Variants in MACROH2A2 observed in about 807,000 individuals in gnomAD.
The protein encoded by MACROH2A2 is macroH2A.2 histone.
Under a neutral mutation model 37.6 loss-of-function variants are expected in MACROH2A2, and 6 were observed. That is an observed-to-expected ratio of 0.16 (90% CI 0.09 to 0.32). The LOEUF (loss-of-function observed/expected upper bound fraction) is 0.32, where lower values mean the gene tolerates loss of function less well. Ranked by LOEUF, MACROH2A2 falls within the 10% of genes least tolerant of loss-of-function variation. The pLI is 1.00. For synonymous variants in MACROH2A2, 192 were observed against 202.7 expected (o/e 0.95, Z 0.45); for missense variants, 290 against 485.9 (o/e 0.60, Z 3.79).
Position 70,075,791 on chromosome 10 carries a change from G to A in MACROH2A2, c.133G>A (p.Ala45Thr), listed in dbSNP as rs764105926. The change falls in exon 2 of 9, where the codon GCC becomes ACC. Residue 45 changes from alanine (A) to threonine (T), a missense_variant. By Grantham distance (58) the Ala-to-Thr change is moderately conservative. This residue lies in a region of MACROH2A2 where 83 missense variants were observed against 159.9 expected (regional missense o/e 0.52). Transcript: ENST00000373255. This position sits in a 1 kb window ranked among gnomAD's most constrained non-coding sequence, Gnocchi z 5.0. ...GTFKYRISVG[A>T]PVYMAAVIEY... The stretch of plus-strand genomic sequence containing the variant: ...GTTCAAGTACCGGATCAGCGTGGGC[G>A]CCCCTGTCTACATGGCGGCAGTCAT... 22 of 1,613,648 alleles carry A rather than the reference G, an allele frequency of 1.4e-5. No individual in the cohort carries two copies. Among genetic ancestry groups the A allele is most frequent in the South Asian group, 2.2e-5 (2 of 91,042 alleles).
At position 70,080,136 on chromosome 10, in the gene MACROH2A2, G is replaced by A. The variant is rs868741538; in HGVS notation, c.172+4306G>A. On this transcript the variant is annotated intron_variant, in intron 2 of 8. Coordinates refer to ENST00000373255, the MANE Select transcript of MACROH2A2 (RefSeq NM_018649.3). The stretch of plus-strand genomic sequence containing the variant: ...CTCTAATAAAAATACAAAATTAGCC[G>A]GACGTGATGGTGCATGCCTGTTATC... 5.3e-5 allele frequency among the ~76,000 whole-genome samples: 8 copies of A among 152,014 alleles called. No homozygotes were observed. In the Middle Eastern group the frequency reaches 0.014, roughly 259 times the overall value.
chr10:70,108,476 G>A (rs1209224267), intron 7 of MACROH2A2, among the ~76,000 whole-genome samples: 3 of 152,118 alleles, frequency 2.0e-5, no homozygotes, highest in South Asian at 2.1e-4. Flanking sequence ...TGGCTGCATC[G>A]TTCCAATCTC....
chr10:70,108,920 C>A, intron 7 of MACROH2A2, 113 bp from the exon 8 acceptor site: 1 of 917,536 alleles, frequency 1.1e-6, no homozygotes, highest in Non-Finnish European at 1.7e-6. Context: ...GCTGCCCAGC[C>A]AACGTCTCTA....
At chr10:70,095,948 T>G (rs759241288) in intron 6 of MACROH2A2, among the ~76,000 whole-genome samples, 195 bp downstream of exon 6, 1 of 152,248 alleles carries the variant, frequency 6.6e-6, no homozygotes, top group Non-Finnish European at 1.5e-5. Context: ...TTTGAAATTT[T>G]TATTGGGGTA....
intron 2 of MACROH2A2, among the ~76,000 whole-genome samples, chr10:70,083,917 A>G (rs1589835785): frequency 6.8e-6 from 1 of 146,712 alleles, no homozygotes. Flanking sequence ...AAATGGACTG[A>G]AAAAACAAGC....
At chr10:70,076,742 G>A (rs1426473070) in intron 2 of MACROH2A2, among the ~76,000 whole-genome samples, 1 of 152,074 alleles carries the variant, frequency 6.6e-6, no homozygotes, top group Non-Finnish European at 1.5e-5. Context: ...CTCCCCAGAT[G>A]GTCTAACACT....
intron 1 of MACROH2A2, among the ~76,000 whole-genome samples, chr10:70,061,412 C>T (rs781075518): frequency 3.9e-5 from 6 of 152,138 alleles, no homozygotes; most frequent in Non-Finnish European, 7.3e-5. Flanking sequence ...GGTGGCCAAA[C>T]GTATTTATAT....
chr10:70,103,055 C>T (rs1036510940), intron 7 of MACROH2A2, among the ~76,000 whole-genome samples: 7 of 152,192 alleles, frequency 4.6e-5, no homozygotes, highest in South Asian at 2.1e-4. Context: ...GAGACTCTCG[C>T]GGCCTTTACA....
intron 7 of MACROH2A2, among the ~76,000 whole-genome samples, chr10:70,108,516 C>G (rs1230172354): frequency 6.6e-6 from 1 of 152,240 alleles, no homozygotes; most frequent in Non-Finnish European, 1.5e-5. Flanking sequence ...CCTTCTCCTG[C>G]CTTTGACCTT....
At chr10:70,085,701 G>T (rs1456016437) in intron 2 of MACROH2A2, among the ~76,000 whole-genome samples, 1 of 152,168 alleles carries the variant, frequency 6.6e-6, no homozygotes, top group Non-Finnish European at 1.5e-5. Context: ...ATTCCAGATG[G>T]TTACTATTGC....
chr10:70,102,380 A>T (rs1376404045), intron 7 of MACROH2A2, among the ~76,000 whole-genome samples: 2 of 152,214 alleles, frequency 1.3e-5, no homozygotes, highest in Non-Finnish European at 2.9e-5. Flanking sequence ...ACATGAGGGC[A>T]CTTGGAAGTT....
At chr10:70,066,197 T>G (rs1252030628) in intron 1 of MACROH2A2, among the ~76,000 whole-genome samples, 1 of 152,016 alleles carries the variant, frequency 6.6e-6, no homozygotes, top group Non-Finnish European at 1.5e-5. Context: ...CTGGGTGTGG[T>G]GTACACCTAT....
At chr10:70,090,419 G>T (rs2072237537) in intron 3 of MACROH2A2, among the ~76,000 whole-genome samples, 1 of 152,208 alleles carries the variant, frequency 6.6e-6, no homozygotes, top group Admixed American at 6.5e-5. Context: ...GACAAGTTCT[G>T]TGTGTTGCTG....
chr10:70,059,247 A>G (rs776076391), intron 1 of MACROH2A2, among the ~76,000 whole-genome samples: 15 of 152,184 alleles, frequency 9.9e-5, no homozygotes, highest in Non-Finnish European at 1.8e-4. Flanking sequence ...GGGGCTCCAC[A>G]GAACCCAGTG....
chr10:70,059,860 A>G (rs1257676068), intron 1 of MACROH2A2, among the ~76,000 whole-genome samples: 1 of 152,010 alleles, frequency 6.6e-6, no homozygotes, highest in Non-Finnish European at 1.5e-5. Flanking sequence ...TGGTGTGGCC[A>G]GTGGCTGGTT....
chr10:70,062,433 G>T (rs1279447910), intron 1 of MACROH2A2, among the ~76,000 whole-genome samples: 1 of 152,154 alleles, frequency 6.6e-6, no homozygotes, highest in African/African-American at 2.4e-5. Context: ...GTCCATTAGG[G>T]ATGACACTGT....
intron 2 of MACROH2A2, among the ~76,000 whole-genome samples, chr10:70,088,527 C>T (rs1298773536): frequency 6.6e-6 from 1 of 152,190 alleles, no homozygotes; most frequent in Non-Finnish European, 1.5e-5. Flanking sequence ...TCTTTTTTTA[C>T]CCCAAGGTTT....
chr10:70,097,622 T>G (rs1377051873), intron 6 of MACROH2A2, among the ~76,000 whole-genome samples: 1 of 152,224 alleles, frequency 6.6e-6, no homozygotes, highest in East Asian at 1.9e-4. Context: ...CCACCTTTGT[T>G]TCAGCTCTTA....
chr10:70,101,352 G>A (rs151270296), intron 7 of MACROH2A2, among the ~76,000 whole-genome samples: 2,813 of 152,230 alleles, frequency 0.018, 98 homozygotes, highest in African/African-American at 0.065. Context: ...AGATACAATC[G>A]ATCCTGGGAG....
Sources: allele counts gnomAD v4.1 joint callset (sites outside exome capture counted in the v4.1 genomes callset), GRCh38; gene constraint gnomAD v4.1.1; regional missense constraint gnomAD v4.1.1; non-coding constraint Gnocchi (gnomAD v3.1); transcripts MANE v1.5; gene names NCBI Gene and HGNC (gene_info 2026-07-23, HGNC 2026-07-21).